Variants in CTNNA3 observed in about 807,000 individuals in gnomAD.
The protein encoded by CTNNA3 is catenin alpha-3.
Under a neutral mutation model 95.7 loss-of-function variants are expected in CTNNA3, and 76 were observed. The ratio of observed to expected loss-of-function variants is 0.79; its 90% CI spans 0.66 to 0.96. The LOEUF (loss-of-function observed/expected upper bound fraction) is 0.96, where lower values mean the gene tolerates loss of function less well. Among genes scored for constraint, CTNNA3 ranks in the 40% least tolerant of loss-of-function variants. CTNNA3 has a pLI of 0.00. For missense variants in CTNNA3, 1,191 were observed against 1,089.8 expected (o/e 1.09, Z -1.31); for synonymous variants, 431 against 374.4 (o/e 1.15, Z -1.74).
At chr10:66,219,290 T>C (rs1478580077) in intron 13 of CTNNA3, among the ~76,000 whole-genome samples, 1 of 152,124 alleles carries the variant, frequency 6.6e-6, no homozygotes, top group African/African-American at 2.4e-5. Flanking sequence ...ATATGAATCA[T>C]CAGCAGATAG....
chr10:67,469,214 T>C (rs1389118319), intron 5 of CTNNA3, among the ~76,000 whole-genome samples: 1 of 152,222 alleles, frequency 6.6e-6, no homozygotes, highest in African/African-American at 2.4e-5. Flanking sequence ...TACAGTGTTA[T>C]TCATTCTATC....
chr10:66,509,491 T>C (rs1445083121), intron 11 of CTNNA3, among the ~76,000 whole-genome samples: 2 of 152,042 alleles, frequency 1.3e-5, no homozygotes, highest in Non-Finnish European at 2.9e-5. Context: ...ACTAGTTTTA[T>C]AGTTTCAGTC....
chr10:66,966,945 G>T (rs899959705), intron 7 of CTNNA3, among the ~76,000 whole-genome samples: 12 of 151,970 alleles, frequency 7.9e-5, no homozygotes, highest in Non-Finnish European at 1.2e-4. Context: ...AATTAGAAGA[G>T]AAATTTTTTG....
intron 7 of CTNNA3, among the ~76,000 whole-genome samples, chr10:66,894,714 C>G (rs947734440): frequency 6.6e-6 from 1 of 151,804 alleles, no homozygotes. Flanking sequence ...TCTGATAATA[C>G]GTATCACTGA....
chr10:67,487,189 G>A (rs1162140046), intron 5 of CTNNA3, among the ~76,000 whole-genome samples: 1 of 152,194 alleles, frequency 6.6e-6, no homozygotes, highest in Non-Finnish European at 1.5e-5. Flanking sequence ...GCCTGCGAAA[G>A]TGTCAGTTTT....
At chr10:67,113,676 T>C (rs1192426129) in intron 7 of CTNNA3, among the ~76,000 whole-genome samples, 1 of 151,992 alleles carries the variant, frequency 6.6e-6, no homozygotes, top group Non-Finnish European at 1.5e-5. Context: ...TAGGCTGGGA[T>C]TGGAGGGGCA....
intron 7 of CTNNA3, among the ~76,000 whole-genome samples, chr10:67,068,967 G>T (rs905145255): frequency 6.6e-6 from 1 of 152,092 alleles, no homozygotes; most frequent in South Asian, 2.1e-4. Flanking sequence ...GGCTGAGGCA[G>T]GAGAATCACT....
chr10:66,925,160 G>A (rs1003817144), intron 7 of CTNNA3, among the ~76,000 whole-genome samples: 4 of 152,058 alleles, frequency 2.6e-5, no homozygotes, highest in East Asian at 1.9e-4. Flanking sequence ...AGAATGACTC[G>A]CTTCTGAAGC....
At chr10:66,382,885 G>A (rs1455502010) in intron 11 of CTNNA3, among the ~76,000 whole-genome samples, 1 of 152,106 alleles carries the variant, frequency 6.6e-6, no homozygotes, top group African/African-American at 2.4e-5. Context: ...GAAAGGAGTA[G>A]CATCAACATC....
chr10:66,616,730 T>C (rs188632526), intron 10 of CTNNA3, among the ~76,000 whole-genome samples: 3 of 152,146 alleles, frequency 2.0e-5, no homozygotes, highest in African/African-American at 7.2e-5. Context: ...AGGGCCACCC[T>C]ATTAGCTCCT....
At chr10:66,688,465 T>C (rs993842129) in intron 9 of CTNNA3, among the ~76,000 whole-genome samples, 1 of 152,054 alleles carries the variant, frequency 6.6e-6, no homozygotes, top group African/African-American at 2.4e-5. Context: ...GCCCCCAACA[T>C]TCCCGTAACT....
intron 7 of CTNNA3, among the ~76,000 whole-genome samples, chr10:67,149,224 G>A (rs2394327): frequency 0.63 from 96,054 of 152,030 alleles, 31,172 homozygotes; most frequent in African/African-American, 0.78. Flanking sequence ...AGGTACTAGG[G>A]ACAATCATGG....
At chr10:65,923,354 T>G (rs1454585592) in intron 17 of CTNNA3, among the ~76,000 whole-genome samples, 1 of 152,208 alleles carries the variant, frequency 6.6e-6, no homozygotes, top group Non-Finnish European at 1.5e-5. Context: ...TTAAATATAT[T>G]TTCTGTAACC....
At chr10:66,841,661 T>C (rs990907563) in intron 7 of CTNNA3, among the ~76,000 whole-genome samples, 1 of 152,212 alleles carries the variant, frequency 6.6e-6, no homozygotes, top group Non-Finnish European at 1.5e-5. Context: ...CAACCATTCA[T>C]AGAAGTATTT....
chr10:66,989,216 G>C (rs1261008934), intron 7 of CTNNA3, among the ~76,000 whole-genome samples: 1 of 152,050 alleles, frequency 6.6e-6, no homozygotes, highest in South Asian at 2.1e-4. Flanking sequence ...CCAATTGACT[G>C]TAGCAGAGGG....
At chr10:66,214,261 T>C (rs1048160529) in intron 13 of CTNNA3, among the ~76,000 whole-genome samples, 1 of 152,162 alleles carries the variant, frequency 6.6e-6, no homozygotes, top group African/African-American at 2.4e-5. Flanking sequence ...CCTGCTTAAG[T>C]TGTGCTTGCT....
intron 5 of CTNNA3, among the ~76,000 whole-genome samples, chr10:67,381,393 G>T (rs1239352710): frequency 2.0e-5 from 3 of 151,994 alleles, no homozygotes; most frequent in Non-Finnish European, 2.9e-5. Context: ...TAATCCAAAA[G>T]ACTCTATTTT....
At chr10:66,278,043 T>C (rs2091428877) in intron 13 of CTNNA3, among the ~76,000 whole-genome samples, 1 of 151,318 alleles carries the variant, frequency 6.6e-6, no homozygotes, top group South Asian at 2.1e-4. Flanking sequence ...ATGTTTCTGA[T>C]TGATACTAAC....
intron 9 of CTNNA3, among the ~76,000 whole-genome samples, chr10:66,659,181 AACACACACAC>A (rs10565151): frequency 7.2e-4 from 105 of 145,672 alleles, no homozygotes; most frequent in Admixed American, 2.1e-3. Flanking sequence ...TAATTAAGAA[AACACACACAC>A]ACACACACAC....
Sources: allele counts gnomAD v4.1 joint callset (sites outside exome capture counted in the v4.1 genomes callset), GRCh38; gene constraint gnomAD v4.1.1; transcripts MANE v1.5; gene names NCBI Gene and HGNC (gene_info 2026-07-23, HGNC 2026-07-21).